Variants in ST3GAL1 observed in about 807,000 individuals in gnomAD.
ST3GAL1 encodes the protein CMP-N-acetylneuraminate-beta-galactosamide-alpha-2,3-sialyltransferase 1.
In ST3GAL1, 16 loss-of-function variants were observed where a neutral mutation model predicts 34.1. That is an observed-to-expected ratio of 0.47 (90% CI 0.32 to 0.71). The LOEUF (loss-of-function observed/expected upper bound fraction) is 0.71, where lower values mean the gene tolerates loss of function less well. Among genes scored for constraint, ST3GAL1 ranks in the 30% least tolerant of loss-of-function variants. The pLI, the probability that ST3GAL1 is intolerant of heterozygous loss-of-function variation, is 0.04. For missense variants in ST3GAL1, 353 were observed against 447.4 expected (o/e 0.79, Z 1.90); for synonymous variants, 191 against 184.7 (o/e 1.03, Z -0.28).
intron 3 of ST3GAL1, among the ~76,000 whole-genome samples, chr8:133,487,786 T>C (rs1816660451): frequency 6.6e-6 from 1 of 151,864 alleles, no homozygotes; most frequent in Non-Finnish European, 1.5e-5. Flanking sequence ...CCAGACAACA[T>C]GGTGAAACCC....
intron 9 of ST3GAL1, among the ~76,000 whole-genome samples, chr8:133,460,641 C>A (rs1254951597): frequency 6.6e-6 from 1 of 152,184 alleles, no homozygotes; most frequent in African/African-American, 2.4e-5. Flanking sequence ...GGGGAAGCAG[C>A]CTTGGAGCTT....
Position 133,570,490 on chromosome 8 carries a change from A to C in ST3GAL1, c.-582+1203T>G, listed in dbSNP as rs908908300. The C allele has an allele frequency of 6.6e-6, 1 of 151,336 alleles. No homozygotes were observed. The highest frequency in any genetic ancestry group is 2.4e-5 in the African/African-American group (1 of 40,994). The allele number at this position is 151,336 out of a possible 1,614,324, so 9.4% of individuals were successfully genotyped here. A position where few individuals can be genotyped will look rare whatever the true frequency, so the allele number is the denominator to read the frequency against. ...CCCAACACACCACCGAGCCCCGCGC[A>C]TGGTACGGCCGCCGAGGACCCTAGC... On this transcript the variant is annotated intron_variant, in intron 1 of 9. Transcript: ENST00000522652. The surrounding 1 kb of genome is among the most constrained non-coding windows in gnomAD (Gnocchi z 5.6).
At chr8:133,518,388 G>C (rs886848823) in intron 2 of ST3GAL1, among the ~76,000 whole-genome samples, 1 of 152,154 alleles carries the variant, frequency 6.6e-6, no homozygotes, top group Admixed American at 6.5e-5. Flanking sequence ...TACCTGCCCC[G>C]TGTAATAAAG....
chr8:133,497,664 G>C (rs1817006902), intron 3 of ST3GAL1, among the ~76,000 whole-genome samples: 1 of 151,706 alleles, frequency 6.6e-6, no homozygotes, highest in African/African-American at 2.4e-5. Context: ...GTAGAGATAG[G>C]GTTTCACCAT....
chr8:133,533,798 T>C (rs1818225100), intron 2 of ST3GAL1, among the ~76,000 whole-genome samples: 1 of 152,208 alleles, frequency 6.6e-6, no homozygotes, highest in Non-Finnish European at 1.5e-5. Context: ...ATCTCTCTCC[T>C]GGGAACTTAT....
In ST3GAL1 at chr8:133,456,817, G is replaced by A. The variant is rs1420191584; in HGVS notation, c.*2947C>T. On this transcript the variant is annotated 3_prime_UTR_variant, in exon 10 of 10. Coordinates refer to ENST00000522652, the MANE Select transcript of ST3GAL1 (RefSeq NM_173344.3). ...AGGAGAGTCAGACACCTCCATTCTG[G>A]TTACACTTTTTCCAGATGCTGAATG... 3 of 152,212 alleles carry A rather than the reference G, an allele frequency of 2.0e-5. No individual in the cohort carries two copies. Among genetic ancestry groups the A allele is most frequent in the Non-Finnish European group, 4.4e-5 (3 of 68,044 alleles). 9.4% of individuals were successfully genotyped at this position (152,212 alleles called of 1,614,324 possible). A position where few individuals can be genotyped will look rare whatever the true frequency, so the allele number is the denominator to read the frequency against.
chr8:133,538,949 G>A, intron 2 of ST3GAL1, among the ~76,000 whole-genome samples: 1 of 152,104 alleles, frequency 6.6e-6, no homozygotes, highest in South Asian at 2.1e-4. Flanking sequence ...CTGTGCCTGG[G>A]TTTCATCATC....
intron 3 of ST3GAL1, among the ~76,000 whole-genome samples, chr8:133,495,723 G>T (rs770383903): frequency 3.3e-5 from 5 of 152,154 alleles, no homozygotes; most frequent in Non-Finnish European, 7.3e-5. Flanking sequence ...CCCCAAGCTC[G>T]GTGTTCCTGT....
chr8:133,555,308 T>G (rs9694865), intron 1 of ST3GAL1, among the ~76,000 whole-genome samples: 7 of 152,038 alleles, frequency 4.6e-5, no homozygotes, highest in African/African-American at 7.2e-5. Flanking sequence ...TTGCTCCCCC[T>G]GCCGTTGTCA....
chr8:133,522,916 G>A (rs1817855288), intron 2 of ST3GAL1, among the ~76,000 whole-genome samples: 1 of 152,200 alleles, frequency 6.6e-6, no homozygotes, highest in African/African-American at 2.4e-5. Context: ...CTAGAGCCTA[G>A]GGCAGAGAAG....
chr8:133,492,560 G>A (rs1422800832), intron 3 of ST3GAL1, among the ~76,000 whole-genome samples: 1 of 152,038 alleles, frequency 6.6e-6, no homozygotes, highest in Non-Finnish European at 1.5e-5. Flanking sequence ...TGTCTTTACT[G>A]AAAATACAAA....
chr8:133,521,657 G>A (rs1407994822), intron 2 of ST3GAL1, among the ~76,000 whole-genome samples: 1 of 152,164 alleles, frequency 6.6e-6, no homozygotes, highest in Non-Finnish European at 1.5e-5. Context: ...CCACATTAAG[G>A]AAATTATTAA....
intron 7 of ST3GAL1, among the ~76,000 whole-genome samples, chr8:133,464,485 G>A (rs1408419400): frequency 1.3e-5 from 2 of 152,252 alleles, no homozygotes; most frequent in Non-Finnish European, 2.9e-5. Context: ...GAACTCACAT[G>A]GGCTGACCCT....
intron 2 of ST3GAL1, among the ~76,000 whole-genome samples, chr8:133,540,806 G>GAAATATATATAT (rs1228189009): frequency 1.1e-5 from 1 of 87,978 alleles, no homozygotes; most frequent in Non-Finnish European, 2.2e-5. Flanking sequence ...CATATATATA[G>GAAATATATATAT]AGAGACATAT....
chr8:133,558,435 T>C (rs1361187006), intron 1 of ST3GAL1, among the ~76,000 whole-genome samples: 2 of 152,200 alleles, frequency 1.3e-5, no homozygotes, highest in African/African-American at 4.8e-5. Context: ...GCAGAGCTAA[T>C]ACTTTTATGA....
At chr8:133,548,383 C>A (rs914333169) in intron 1 of ST3GAL1, among the ~76,000 whole-genome samples, 2 of 152,200 alleles carry the variant, frequency 1.3e-5, no homozygotes, top group Non-Finnish European at 2.9e-5. Flanking sequence ...ACAGAGACAT[C>A]TTCGCTGACT....
intron 5 of ST3GAL1, among the ~76,000 whole-genome samples, chr8:133,473,491 T>C (rs577799000): frequency 2.6e-5 from 4 of 152,254 alleles, no homozygotes; most frequent in African/African-American, 9.6e-5. Flanking sequence ...CAGAATCCCA[T>C]GGTGACACTG....
At chr8:133,484,795 C>T (rs1462202381) in intron 3 of ST3GAL1, among the ~76,000 whole-genome samples, 1 of 152,126 alleles carries the variant, frequency 6.6e-6, no homozygotes, top group African/African-American at 2.4e-5. Flanking sequence ...ATTCCTGCCA[C>T]CTGTCCATCC....
At chr8:133,481,021 C>T (rs756266264) in intron 3 of ST3GAL1, among the ~76,000 whole-genome samples, 3 of 152,216 alleles carry the variant, frequency 2.0e-5, no homozygotes, top group Non-Finnish European at 4.4e-5. Context: ...TTATTCACCA[C>T]AGCCGTCTTA....
Sources: allele counts gnomAD v4.1 joint callset (sites outside exome capture counted in the v4.1 genomes callset), GRCh38; gene constraint gnomAD v4.1.1; non-coding constraint Gnocchi (gnomAD v3.1); transcripts MANE v1.5; gene names NCBI Gene and HGNC (gene_info 2026-07-23, HGNC 2026-07-21).